The following CDO1 variants were observed in gnomAD, a reference collection of about 807,000 sequenced individuals.
The protein encoded by CDO1 is cysteine dioxygenase, type I.
A neutral mutation model predicts 24.5 loss-of-function variants in CDO1; 19 were observed. The observed-to-expected ratio is 0.77, with a 90% confidence interval of 0.54 to 1.14. The LOEUF is 1.14. Among genes scored for constraint, CDO1 ranks in the 50% most tolerant of loss-of-function variants. CDO1 has a pLI of 0.00. For missense variants in CDO1, 244 were observed against 244.8 expected (o/e 1.00, Z 0.02); for synonymous variants, 91 against 87.0 (o/e 1.05, Z -0.26).
intron 3 of CDO1, among the ~76,000 whole-genome samples, chr5:115,808,723 A>AAAAAC (rs567999338): frequency 2.1e-5 from 3 of 145,012 alleles, no homozygotes; most frequent in Non-Finnish European, 4.4e-5. Context: ...ACACACACAC[A>AAAAAC]AAAACAAAAC....
At chr5:115,811,048 A>T in intron 3 of CDO1, 113 bp downstream of exon 3, 1 of 1,004,286 alleles carries the variant, frequency 1.0e-6, no homozygotes, top group Non-Finnish European at 1.5e-6. Context: ...CAAGTATTTT[A>T]AATCATGACT....
chr5:115,807,106 G>T (rs1342847778), intron 3 of CDO1, among the ~76,000 whole-genome samples: 1 of 152,100 alleles, frequency 6.6e-6, no homozygotes, highest in Non-Finnish European at 1.5e-5. Flanking sequence ...TGGAAATCAG[G>T]TGAAAAACAG....
chr5:115,813,070 A>G (rs1760260135), intron 2 of CDO1, 111 bp downstream of exon 2: 1 of 528,544 alleles, frequency 1.9e-6, no homozygotes, highest in Non-Finnish European at 3.3e-6. Context: ...AAAAAAAAAA[A>G]AAAATGAGAT....
intron 3 of CDO1, among the ~76,000 whole-genome samples, chr5:115,809,149 T>A (rs1239459259): frequency 6.6e-6 from 1 of 152,196 alleles, no homozygotes; most frequent in Non-Finnish European, 1.5e-5. Context: ...CATCATCTAA[T>A]GCATGCTGAC....
At chr5:115,808,233 C>A (rs1760035467) in intron 3 of CDO1, among the ~76,000 whole-genome samples, 1 of 152,134 alleles carries the variant, frequency 6.6e-6, no homozygotes, top group African/African-American at 2.4e-5. Context: ...TCCATCTTAG[C>A]CTCCCAAAGT....
At chr5:115,813,128 A>T in intron 2 of CDO1, 53 bp downstream of exon 2, 1 of 990,298 alleles carries the variant, frequency 1.0e-6, no homozygotes, top group Non-Finnish European at 1.6e-6. Flanking sequence ...TATATTTTTC[A>T]TATGCTAGAA....
Position 115,816,519 on chromosome 5 carries a change from G to T in CDO1, c.-122C>A. 3 of 1,065,536 alleles carry T rather than the reference G, an allele frequency of 2.8e-6. No individual in the cohort carries two copies. In the South Asian group the frequency reaches 4.3e-5, roughly 15 times the overall value. 66.0% of individuals were successfully genotyped at this position (1,065,536 alleles called of 1,614,324 possible). On this transcript the variant is annotated 5_prime_UTR_variant, in exon 1 of 5. The change creates a premature stop within an existing upstream ORF in the 5' untranslated region. Coordinates refer to ENST00000250535, the MANE Select transcript of CDO1 (RefSeq NM_001801.3). ...GCTAGACCGCTAAGCAGACACACAC[G>T]CACAAACCCAGCATTAGAGTGCCGA...
At chr5:115,808,344 G>A (rs1398320762) in intron 3 of CDO1, among the ~76,000 whole-genome samples, 2 of 152,116 alleles carry the variant, frequency 1.3e-5, no homozygotes, top group Non-Finnish European at 2.9e-5. Context: ...ATGGTTCTGA[G>A]GGAAGATGTT....
rs1015992359 is a variant in CDO1, at chr5:115,804,984, T to G, written c.*449A>C. On this transcript the variant is annotated 3_prime_UTR_variant, in exon 5 of 5. Coordinates refer to ENST00000250535, the MANE Select transcript of CDO1 (RefSeq NM_001801.3). ...TAAAATCTACAGATTCACAAAATTA[T>G]CTTCCAATATTAAGAACATACAAAG... The G allele has an allele frequency of 6.5e-6, 1 of 153,566 alleles. No individual in the cohort carries two copies. The highest frequency in any genetic ancestry group is 6.5e-5 in the Admixed American group (1 of 15,346). The allele number at this position is 153,566 out of a possible 1,614,324, so 9.5% of individuals were successfully genotyped here. A position where few individuals can be genotyped will look rare whatever the true frequency, so the allele number is the denominator to read the frequency against.
At position 115,816,329 on chromosome 5, in the gene CDO1, A is replaced by G. The variant is rs2112700045; in HGVS notation, c.69T>C (p.Phe23=). Residue 23 remains phenylalanine (F), a synonymous_variant, in exon 1 of 5, where the codon TTT becomes TTC. Coordinates refer to ENST00000250535, the MANE Select transcript of CDO1 (RefSeq NM_001801.3). The part of the protein sequence containing the change: ...ADLIRILHQL[F]AGDEVNVEEV... The stretch of plus-strand genomic sequence containing the variant: ...CCTCTACATTGACCTCATCGCCGGC[A>G]AAGAGCTGGTGCAGGATGCGGATCA... 6.2e-7 allele frequency: 1 copy of G among 1,614,078 alleles called. No individual in the cohort carries two copies. The highest frequency in any genetic ancestry group is 8.5e-7 in the Non-Finnish European group (1 of 1,180,012).
At chr5:115,813,448 C>T (rs1009223084) in intron 1 of CDO1, among the ~76,000 whole-genome samples, 190 bp from the exon 2 acceptor site, 1 of 152,132 alleles carries the variant, frequency 6.6e-6, no homozygotes, top group African/African-American at 2.4e-5. Flanking sequence ...TCATTTTGAA[C>T]CGCTGCATTT....
Position 115,811,254 on chromosome 5 carries a change from C to T in CDO1, c.310G>A (p.Glu104Lys), listed in dbSNP as rs1185085561. ...TTGTCAGGCCAGGCAAATAATGTCTCCTTTAGATTTCCCTGTAGCATCTTC... is the reference window on the plus strand; with the variant it reads ...TTGTCAGGCCAGGCAAATAATGTCTTCTTTAGATTTCCCTGTAGCATCTTC... ...FLKMLQGNLK[E>K]TLFAWPDKKS... is the part of the protein sequence containing the mutation. The change falls in exon 3 of 5, where the codon GAG (glutamate) becomes AAG (lysine). Residue 104 changes from glutamate (E) to lysine (K), a missense_variant. Physicochemically the swap from Glu to Lys is moderately conservative, Grantham distance 56. Transcript: ENST00000250535. 12 of 1,612,862 alleles carry T rather than the reference C, an allele frequency of 7.4e-6. No homozygotes were observed. The highest frequency in any genetic ancestry group is 1.3e-5 in the African/African-American group (1 of 74,870).
intron 2 of CDO1, among the ~76,000 whole-genome samples, 181 bp from the exon 3 acceptor site, chr5:115,811,496 G>T (rs1327446025): frequency 1.3e-5 from 2 of 152,168 alleles, no homozygotes; most frequent in Non-Finnish European, 2.9e-5. Flanking sequence ...TCAGGGTAAA[G>T]TAATAATATA....
chr5:115,815,386 C>G (rs551716710), intron 1 of CDO1, among the ~76,000 whole-genome samples: 1 of 152,228 alleles, frequency 6.6e-6, no homozygotes, highest in South Asian at 2.1e-4. Context: ...GGGCACCTCA[C>G]TCAAGTACAT....
chr5:115,807,949 C>G (rs1043564508), intron 3 of CDO1, among the ~76,000 whole-genome samples: 3 of 150,942 alleles, frequency 2.0e-5, no homozygotes, highest in Admixed American at 6.6e-5. Flanking sequence ...TAGAAAGATT[C>G]AAAAATCAGA....
Position 115,805,421 on chromosome 5 carries a change from G to T in CDO1, c.*12C>A, listed in dbSNP as rs1561433651. On this transcript the variant is annotated 3_prime_UTR_variant, in exon 5 of 5. Transcript: ENST00000250535. ...GAACCTTAAAGTAAAACCTCAGAGG[G>T]TTTGGTGCCCCTTAGTTGTTCTCCA... is the stretch of plus-strand genomic sequence containing the variant. 1.9e-6 allele frequency: 3 copies of T among 1,613,146 alleles called. No individual in the cohort carries two copies. Among genetic ancestry groups the T allele is most frequent in the Admixed American group, 1.7e-5 (1 of 59,910 alleles).
chr5:115,813,634 TTC>T (rs1349133453), intron 1 of CDO1, among the ~76,000 whole-genome samples: 4 of 148,980 alleles, frequency 2.7e-5, no homozygotes, highest in African/African-American at 1.0e-4. Flanking sequence ...TTTTTTTTTT[TTC>T]TTTTTTCTGC....
chr5:115,805,375 T>G lies in CDO1; in HGVS notation c.*58A>C. ...GATAGCACGTGGTAGGTAGCCTTTT[T>G]GTCCAAGGCAAACATACAGCGAACC... On this transcript the variant is annotated 3_prime_UTR_variant, in exon 5 of 5. Coordinates refer to ENST00000250535, the MANE Select transcript of CDO1 (RefSeq NM_001801.3). 6.6e-7 allele frequency: 1 copy of G among 1,507,340 alleles called. No individual in the cohort carries two copies. The highest frequency in any genetic ancestry group is 1.7e-4 in the Middle Eastern group (1 of 5,824). 93.4% of individuals were successfully genotyped at this position (1,507,340 alleles called of 1,614,324 possible).
At chr5:115,813,456 T>G (rs1760286766) in intron 1 of CDO1, among the ~76,000 whole-genome samples, 198 bp from the exon 2 acceptor site, 1 of 152,150 alleles carries the variant, frequency 6.6e-6, no homozygotes, top group Non-Finnish European at 1.5e-5. Context: ...AACCGCTGCA[T>G]TTACAGAGGT....
Sources: allele counts gnomAD v4.1 joint callset (sites outside exome capture counted in the v4.1 genomes callset), GRCh38; gene constraint gnomAD v4.1.1; transcripts MANE v1.5; gene names NCBI Gene and HGNC (gene_info 2026-07-23, HGNC 2026-07-21).